Variants in SLIT1 observed in about 807,000 individuals in gnomAD.
SLIT1 encodes the protein slit guidance ligand 1, also known as slit homolog 1 protein.
SLIT1 carries 66 observed loss-of-function variants against 186.1 expected under a neutral mutation model. That is an observed-to-expected ratio of 0.35 (90% CI 0.29 to 0.44). The LOEUF is 0.44. Among genes scored for constraint, SLIT1 ranks in the 20% least tolerant of loss-of-function variants. The pLI, the probability that SLIT1 is intolerant of heterozygous loss-of-function variation, is 1.00. For missense variants in SLIT1, 1,638 were observed against 2,037.4 expected, an observed-to-expected ratio of 0.80 and a Z score of 3.77; for synonymous variants, 761 against 833.8, an observed-to-expected ratio of 0.91 and a Z score of 1.50.
chr10:97,031,315 G>A (rs1848588693), intron 24 of SLIT1, among the ~76,000 whole-genome samples: 1 of 152,200 alleles, frequency 6.6e-6, no homozygotes. Context: ...TCTTTAATCT[G>A]AACAGAAGTC....
intron 4 of SLIT1, among the ~76,000 whole-genome samples, chr10:97,089,891 A>T (rs1031086550): frequency 2.6e-5 from 4 of 152,064 alleles, no homozygotes; most frequent in Non-Finnish European, 4.4e-5. Flanking sequence ...TAGCTGGGTG[A>T]CTCTGAGCTT....
intron 4 of SLIT1, among the ~76,000 whole-genome samples, chr10:97,082,322 T>C (rs1849113411): frequency 6.6e-6 from 1 of 152,380 alleles, no homozygotes; most frequent in African/African-American, 2.4e-5. Context: ...GTGGTGGTGA[T>C]GATAGTGGTG....
chr10:97,085,392 T>G (rs993104875), intron 4 of SLIT1, among the ~76,000 whole-genome samples: 7 of 152,042 alleles, frequency 4.6e-5, no homozygotes, highest in East Asian at 3.9e-4. Context: ...TGTACTTTTT[T>G]TTTTTTTGTT....
chr10:97,027,117 C>G (rs560585771), intron 25 of SLIT1, among the ~76,000 whole-genome samples: 1 of 152,308 alleles, frequency 6.6e-6, no homozygotes, highest in South Asian at 2.1e-4. Flanking sequence ...CTTCAGGAAC[C>G]AGGAACACTG....
rs1433771817 is a variant in SLIT1 at position 97,043,687 on chromosome 10, C to T, written c.1854-174G>A. ...CCGGCCAGGTGAGGCGAGTTTTACA[C>T]ACCTGTGCCCACTCCAGACCCGCCC... is the stretch of plus-strand genomic sequence containing the variant. On this transcript the variant is annotated intron_variant, in intron 18 of 36. Transcript: ENST00000266058. The surrounding 1 kb of genome is among the most constrained non-coding windows in gnomAD (Gnocchi z 7.0). Among the ~76,000 whole-genome samples the T allele has an allele frequency of 1.3e-5, 2 of 152,152 alleles. No individual in the cohort carries two copies. Among genetic ancestry groups the T allele is most frequent in the African/African-American group, 4.8e-5 (2 of 41,440 alleles).
chr10:97,046,918 C>T, intron 17 of SLIT1, 73 bp downstream of exon 17: 1 of 1,560,050 alleles, frequency 6.4e-7, no homozygotes, highest in Non-Finnish European at 8.8e-7. Context: ...GGAGCTGCCC[C>T]CACCCTGGCA....
rs1850378599 is a variant in SLIT1 at position 97,184,050 on chromosome 10, A to G, written c.197+1428T>C. On this transcript the variant is annotated intron_variant, in intron 1 of 36. Transcript: ENST00000266058. The surrounding 1 kb of genome is among the most constrained non-coding windows in gnomAD (Gnocchi z 4.4). ...CACACACACACACACACACACACAC[A>G]CACACACACTTCCCATCTAGATTGC... Among the ~76,000 whole-genome samples, 1 of 150,332 alleles carries G rather than the reference A, an allele frequency of 6.7e-6. No individual in the cohort carries two copies. Among genetic ancestry groups the G allele is most frequent in the Non-Finnish European group, 1.5e-5 (1 of 67,312 alleles).
chr10:97,079,432 T>G (rs1007446735), intron 4 of SLIT1, among the ~76,000 whole-genome samples: 1 of 152,226 alleles, frequency 6.6e-6, no homozygotes, highest in South Asian at 2.1e-4. Context: ...TATGTTATAC[T>G]TCAATTAAAA....
rs986333529 is a variant in SLIT1, at chr10:97,184,797, C to A, written c.197+681G>T. Among the ~76,000 whole-genome samples the A allele has an allele frequency of 2.6e-5, 4 of 152,206 alleles. No homozygotes were observed. Among genetic ancestry groups the A allele is most frequent in the African/African-American group, 9.7e-5 (4 of 41,450 alleles). On this transcript the variant is annotated intron_variant, in intron 1 of 36. Transcript: ENST00000266058. The surrounding 1 kb of genome is among the most constrained non-coding windows in gnomAD (Gnocchi z 4.4). ...GGGTTCTCCATCCAAGACACACCTG[C>A]CCCTTTTCGGGTGCTGAATGTTACA...
At chr10:97,008,848 CT>C (rs534188341) in intron 31 of SLIT1, among the ~76,000 whole-genome samples, 16 of 151,592 alleles carry the variant, frequency 1.1e-4, no homozygotes, top group Admixed American at 5.3e-4. Flanking sequence ...CCAAAACAAT[CT>C]TTTTTTATTT....
chr10:97,072,235 TG>T (rs1380201688), intron 4 of SLIT1, among the ~76,000 whole-genome samples: 3 of 152,342 alleles, frequency 2.0e-5, no homozygotes, highest in African/African-American at 7.2e-5. Flanking sequence ...CACAGCTCAC[TG>T]CACTGTTGAA....
At chr10:97,034,670 G>T in intron 22 of SLIT1, 128 bp from the exon 23 acceptor site, 1 of 758,466 alleles carries the variant, frequency 1.3e-6, no homozygotes, top group Non-Finnish European at 2.3e-6. Flanking sequence ...GGGTGGAGAG[G>T]AGCCCTGGTG....
chr10:97,183,324 C>T (rs570230401), intron 1 of SLIT1, among the ~76,000 whole-genome samples: 22 of 152,258 alleles, frequency 1.4e-4, no homozygotes, highest in Admixed American at 6.5e-4. Context: ...TTCCTGGCTC[C>T]GAAACATTTG....
At chr10:97,171,648 G>A (rs1054404952) in intron 1 of SLIT1, among the ~76,000 whole-genome samples, 21 of 152,056 alleles carry the variant, frequency 1.4e-4, no homozygotes, top group African/African-American at 3.4e-4. Flanking sequence ...GGCGAAACCT[G>A]TCTCTACTAA....
chr10:97,049,422 C>A (rs1479594574), intron 13 of SLIT1, among the ~76,000 whole-genome samples: 1 of 152,240 alleles, frequency 6.6e-6, no homozygotes, highest in Non-Finnish European at 1.5e-5. Context: ...CCTCTCTCTG[C>A]CCTGGGACAT....
At chr10:97,034,839 ACCAGGG>A (rs1848624002) in intron 22 of SLIT1, among the ~76,000 whole-genome samples, 1 of 152,110 alleles carries the variant, frequency 6.6e-6, no homozygotes, top group South Asian at 2.1e-4. Flanking sequence ...GAACACTCCC[ACCAGGG>A]TGTTGGTGGC....
Position 97,021,201 on chromosome 10 carries a change from G to C in SLIT1, c.2746+49C>G, listed in dbSNP as rs752790450. On this transcript the variant is annotated intron_variant, in intron 26 of 36. Transcript: ENST00000266058. The surrounding 1 kb of genome is among the most constrained non-coding windows in gnomAD (Gnocchi z 4.5). ...TGTTAGGAAGGCCCTGCAGTGTTGG[G>C]CAAGTTCTGTGAGCCCCCAGCAGCA... is the stretch of plus-strand genomic sequence containing the variant. 19 of 1,578,456 alleles carry C rather than the reference G, an allele frequency of 1.2e-5. No homozygotes were observed. The South Asian group carries it at 2.2e-4, about 19-fold the overall frequency.
intron 25 of SLIT1, among the ~76,000 whole-genome samples, chr10:97,025,150 A>G (rs1033652773): frequency 1.3e-5 from 2 of 152,136 alleles, no homozygotes; most frequent in African/African-American, 4.8e-5. Context: ...GGCGCCTGTA[A>G]TCCCAGCTAC....
chr10:97,089,980 G>A (rs371996111), intron 4 of SLIT1, among the ~76,000 whole-genome samples: 1 of 152,176 alleles, frequency 6.6e-6, no homozygotes, highest in East Asian at 1.9e-4. Flanking sequence ...TAGCTGTGGT[G>A]GGGATTCAAT....
Sources: allele counts gnomAD v4.1 joint callset (sites outside exome capture counted in the v4.1 genomes callset), GRCh38; gene constraint gnomAD v4.1.1; non-coding constraint Gnocchi (gnomAD v3.1); transcripts MANE v1.5; gene names NCBI Gene and HGNC (gene_info 2026-07-23, HGNC 2026-07-21).